MTAP: variants seen among roughly 807,000 people sequenced by gnomAD.
MTAP encodes S-methyl-5'-thioadenosine phosphorylase.
MTAP carries 33 observed loss-of-function variants against 33.6 expected under a neutral mutation model. The ratio of observed to expected loss-of-function variants is 0.98; its 90% CI spans 0.74 to 1.31. The LOEUF (loss-of-function observed/expected upper bound fraction) is 1.31, where lower values mean the gene tolerates loss of function less well. MTAP is among the 40% of genes most tolerant of loss of function. MTAP has a pLI of 0.00. For synonymous variants in MTAP, 148 were observed against 125.7 expected, an observed-to-expected ratio of 1.18 and a Z score of -1.19; for missense variants, 367 against 360.0, an observed-to-expected ratio of 1.02 and a Z score of -0.16.
At chr9:21,819,352 C>T (rs1219121942) in intron 4 of MTAP, among the ~76,000 whole-genome samples, 1 of 152,118 alleles carries the variant, frequency 6.6e-6, no homozygotes, top group African/African-American at 2.4e-5. Flanking sequence ...CAAGTGTTCT[C>T]ATTGTTCAGT....
In MTAP at chr9:21,885,592, G is replaced by C. The variant is rs141767895; in HGVS notation, c.147+30722G>C. Among the ~76,000 whole-genome samples the C allele has an allele frequency of 1.4e-3, 214 of 152,126 alleles. 2 individuals carry two copies. Among genetic ancestry groups the C allele is most frequent in the African/African-American group, 5.1e-3 (210 of 41,530 alleles). On this transcript the variant is annotated intron_variant, in intron 1 of 1. Coordinates refer to the MTAP transcript ENST00000577563. ...CACCCACCTCCCACCCTGCCCCAGT[G>C]AGTCCCCAAAATTCATTATATCATT...
chr9:21,848,478 T>TA (rs1253535831), intron 5 of MTAP, among the ~76,000 whole-genome samples: 1 of 152,124 alleles, frequency 6.6e-6, no homozygotes, highest in East Asian at 1.9e-4. Flanking sequence ...CTCTGGGAGT[T>TA]AAAAAAGGTT....
intron 1 of MTAP, among the ~76,000 whole-genome samples, chr9:21,927,759 A>G (rs1457468588): frequency 6.6e-6 from 1 of 152,186 alleles, no homozygotes; most frequent in Non-Finnish European, 1.5e-5. Flanking sequence ...AGGGCCCTAA[A>G]ACTTGGGGAA....
intron 1 of MTAP, among the ~76,000 whole-genome samples, chr9:21,808,451 C>T (rs1193554853): frequency 2.0e-5 from 3 of 151,324 alleles, no homozygotes; most frequent in Non-Finnish European, 4.4e-5. Context: ...ATTAGCCAGG[C>T]GTGGCGGTGC....
At position 21,802,673 on chromosome 9, in the gene MTAP, A is replaced by C; in HGVS notation, c.-76A>C. 1.9e-6 allele frequency: 3 copies of C among 1,572,550 alleles called. No homozygotes were observed. The highest frequency in any genetic ancestry group is 1.1e-5 in the South Asian group (1 of 88,462). On this transcript the variant is annotated 5_prime_UTR_variant, in exon 1 of 8. Transcript: ENST00000644715. The stretch of plus-strand genomic sequence containing the variant: ...CACTCCCGCGCAGTGAGGTTGGCAC[A>C]GCCACCGCTCTGTGGCTCGCTTGGT...
chr9:21,831,134 T>C (rs560054641), intron 4 of MTAP, among the ~76,000 whole-genome samples: 2 of 152,304 alleles, frequency 1.3e-5, no homozygotes, highest in African/African-American at 4.8e-5. Context: ...ACTGATGATA[T>C]GGCCTTTCTT....
At position 21,837,206 on chromosome 9, in the gene MTAP, A is replaced by G. The variant is rs6475587; in HGVS notation, c.348-702A>G. ...TTAATTACGGCTGGGAAAAAGAACAATCTAAATGAGGCAGCGAACAAAGAT... is the reference window on the plus strand; with the variant it reads ...TTAATTACGGCTGGGAAAAAGAACAGTCTAAATGAGGCAGCGAACAAAGAT... On this transcript the variant is annotated intron_variant, in intron 4 of 7. Coordinates refer to ENST00000644715, the MANE Select transcript of MTAP (RefSeq NM_002451.4). 6.6e-3 allele frequency among the ~76,000 whole-genome samples: 1,007 copies of G among 152,318 alleles called. 10 individuals are homozygous for G. Among genetic ancestry groups the G allele is most frequent in the African/African-American group, 0.023 (950 of 41,554 alleles).
At chr9:21,923,809 TAA>T (rs148909932) in intron 1 of MTAP, among the ~76,000 whole-genome samples, 2 of 148,070 alleles carry the variant, frequency 1.4e-5, no homozygotes, top group African/African-American at 4.9e-5. Context: ...AAATGGATTA[TAA>T]AAAAAAAAGA....
intron 1 of MTAP, among the ~76,000 whole-genome samples, chr9:21,917,691 TAA>T (rs1465065289): frequency 6.6e-6 from 1 of 152,120 alleles, no homozygotes; most frequent in Non-Finnish European, 1.5e-5. Context: ...GCAGATTCCT[TAA>T]AGAACTAAAA....
In MTAP at chr9:21,865,737, G is replaced by A; in HGVS notation, c.*3723G>A. On this transcript the variant is annotated 3_prime_UTR_variant, in exon 8 of 8. Transcript: ENST00000644715. ...TGCCAGCTATGCCTTTGAGAACCTC[G>A]GGATCCCAAAGAATGAGGGGAATTT... 3 of 1,039,870 alleles carry A rather than the reference G, an allele frequency of 2.9e-6. No individual in the cohort carries two copies. Among genetic ancestry groups the A allele is most frequent in the Non-Finnish European group, 3.5e-6 (3 of 857,966 alleles). The allele number at this position is 1,039,870 out of a possible 1,614,324, so 64.4% of individuals were successfully genotyped here. A position where few individuals can be genotyped will look rare whatever the true frequency, so the allele number is the denominator to read the frequency against.
chr9:21,836,562 A>G (rs759290733), intron 4 of MTAP, among the ~76,000 whole-genome samples: 1 of 152,188 alleles, frequency 6.6e-6, no homozygotes, highest in African/African-American at 2.4e-5. Context: ...AAAGGCTGAA[A>G]CAAAGCCAGA....
At chr9:21,839,220 T>G (rs565938049) in intron 5 of MTAP, among the ~76,000 whole-genome samples, 57 of 151,800 alleles carry the variant, frequency 3.8e-4, no homozygotes, top group Non-Finnish European at 5.9e-4. Flanking sequence ...TGTATATGTA[T>G]GTATAGCATG....
intron 1 of MTAP, among the ~76,000 whole-genome samples, chr9:21,920,450 G>A (rs755734975): frequency 2.0e-5 from 3 of 152,128 alleles, no homozygotes; most frequent in Non-Finnish European, 2.9e-5. Context: ...GGCAAATTCA[G>A]GTTTTATGTG....
chr9:21,899,678 T>G (rs566734386), intron 1 of MTAP, among the ~76,000 whole-genome samples: 25 of 152,204 alleles, frequency 1.6e-4, no homozygotes, highest in Admixed American at 1.4e-3. Flanking sequence ...GACTCACTCA[T>G]TGTCATGAGA....
chr9:21,835,601 A>G (rs1486458714), intron 4 of MTAP, among the ~76,000 whole-genome samples: 3 of 152,132 alleles, frequency 2.0e-5, no homozygotes, highest in African/African-American at 7.2e-5. Flanking sequence ...GGCTTATTCC[A>G]GGCTTCTTGC....
intron 1 of MTAP, among the ~76,000 whole-genome samples, chr9:21,803,832 G>A (rs2117867932): frequency 6.6e-6 from 1 of 152,216 alleles, no homozygotes; most frequent in Non-Finnish European, 1.5e-5. Context: ...TTTCCCGGGA[G>A]AAGGCGAATT....
chr9:21,907,419 A>G (rs1481846341), intron 1 of MTAP, among the ~76,000 whole-genome samples: 1 of 152,300 alleles, frequency 6.6e-6, no homozygotes, highest in Admixed American at 6.5e-5. Context: ...TTAGCTGGGC[A>G]TGATGGCAGG....
intron 1 of MTAP, among the ~76,000 whole-genome samples, chr9:21,878,766 A>G (rs1340780103): frequency 6.6e-6 from 1 of 152,200 alleles, no homozygotes; most frequent in Non-Finnish European, 1.5e-5. Context: ...CTCTGTTCTC[A>G]TTAGTTTCAA....
chr9:21,815,871 AC>A (rs1824461944), intron 2 of MTAP, among the ~76,000 whole-genome samples: 1 of 152,204 alleles, frequency 6.6e-6, no homozygotes, highest in Admixed American at 6.5e-5. Flanking sequence ...GTCACACCAC[AC>A]TAATTAGGGG....
Sources: allele counts gnomAD v4.1 joint callset (sites outside exome capture counted in the v4.1 genomes callset), GRCh38; gene constraint gnomAD v4.1.1; transcripts MANE v1.5; gene names NCBI Gene and HGNC (gene_info 2026-07-23, HGNC 2026-07-21).